Variants in CLSTN2 observed in about 807,000 individuals in gnomAD.
CLSTN2 encodes the protein calsyntenin 2, also known as calsyntenin-2.
A neutral mutation model predicts 101.2 loss-of-function variants in CLSTN2; 48 were observed. The ratio of observed to expected loss-of-function variants is 0.47; its 90% CI spans 0.38 to 0.60. The LOEUF (loss-of-function observed/expected upper bound fraction) is 0.60. CLSTN2 is among the 20% of genes least tolerant of loss of function. The pLI, the probability that CLSTN2 is intolerant of heterozygous loss-of-function variation, is 0.00. For synonymous variants in CLSTN2, 481 were observed against 463.6 expected (o/e 1.04, Z -0.48); for missense variants, 1,160 against 1,238.2 (o/e 0.94, Z 0.95).
rs1016458465 is a variant in CLSTN2 at position 140,179,640 on chromosome 3, A to C, written c.232+3567A>C. Among the ~76,000 whole-genome samples, 52 of 149,072 alleles carry C rather than the reference A, an allele frequency of 3.5e-4. No individual in the cohort carries two copies. The South Asian group carries it at 4.2e-3, about 12-fold the overall frequency. ...TATCTCAAAAAAAAAAAAAAAAAAAAAAAAAAAAAAAACCTTGCTATTATA... is the reference window on the plus strand; with the variant it reads ...TATCTCAAAAAAAAAAAAAAAAAAACAAAAAAAAAAAACCTTGCTATTATA... On this transcript the variant is annotated intron_variant, in intron 2 of 16. Coordinates refer to ENST00000458420, the MANE Select transcript of CLSTN2 (RefSeq NM_022131.3).
chr3:140,074,548 T>C (rs987339456), intron 1 of CLSTN2, among the ~76,000 whole-genome samples: 1 of 152,198 alleles, frequency 6.6e-6, no homozygotes, highest in Non-Finnish European at 1.5e-5. Flanking sequence ...TTATACTACG[T>C]TAACAGAGGT....
chr3:140,316,157 G>T (rs949501467), intron 2 of CLSTN2, among the ~76,000 whole-genome samples: 1 of 152,178 alleles, frequency 6.6e-6, no homozygotes, highest in Non-Finnish European at 1.5e-5. Flanking sequence ...TTACAGCCCA[G>T]CTGGGGATAG....
intron 1 of CLSTN2, among the ~76,000 whole-genome samples, chr3:140,056,016 C>T (rs2008089887): frequency 6.6e-6 from 1 of 152,130 alleles, no homozygotes; most frequent in Non-Finnish European, 1.5e-5. Flanking sequence ...GTACCAAGAA[C>T]TTTGTGGTCG....
At chr3:140,166,557 G>A (rs181624982) in intron 1 of CLSTN2, among the ~76,000 whole-genome samples, 29 of 152,264 alleles carry the variant, frequency 1.9e-4, no homozygotes, top group African/African-American at 6.5e-4. Flanking sequence ...GATTCAAAAG[G>A]TAAATCATGA....
chr3:140,457,323 C>G (rs1933428016), intron 6 of CLSTN2, among the ~76,000 whole-genome samples: 1 of 152,244 alleles, frequency 6.6e-6, no homozygotes, highest in African/African-American at 2.4e-5. Context: ...CTGTGTGTAC[C>G]TCTGTCACCA....
chr3:140,258,076 T>A (rs1218643494), intron 2 of CLSTN2, among the ~76,000 whole-genome samples: 1 of 152,212 alleles, frequency 6.6e-6, no homozygotes, highest in Non-Finnish European at 1.5e-5. Context: ...TTTTAATTTG[T>A]TATTCTTTAA....
intron 1 of CLSTN2, among the ~76,000 whole-genome samples, chr3:140,148,141 C>T (rs2107812538): frequency 6.6e-6 from 1 of 152,172 alleles, no homozygotes; most frequent in East Asian, 1.9e-4. Flanking sequence ...CTGCTACAGC[C>T]CCTTAGCTAC....
At chr3:140,116,307 A>G (rs1050235813) in intron 1 of CLSTN2, among the ~76,000 whole-genome samples, 5 of 152,202 alleles carry the variant, frequency 3.3e-5, no homozygotes, top group Non-Finnish European at 7.3e-5. Flanking sequence ...ACTTACTATA[A>G]ATCTGTAAAA....
At chr3:139,953,340 C>T (rs1311470248) in intron 1 of CLSTN2, among the ~76,000 whole-genome samples, 2 of 152,142 alleles carry the variant, frequency 1.3e-5, no homozygotes, top group African/African-American at 4.8e-5. Context: ...AATCTGTACA[C>T]CACACCCCTG....
intron 2 of CLSTN2, among the ~76,000 whole-genome samples, chr3:140,298,500 G>T (rs894071174): frequency 1.3e-4 from 20 of 152,196 alleles, no homozygotes; most frequent in Non-Finnish European, 2.9e-5. Flanking sequence ...AGCTGCAGTT[G>T]TCTATGATAA....
chr3:140,371,079 T>A (rs1422398357), intron 2 of CLSTN2, among the ~76,000 whole-genome samples: 1 of 152,214 alleles, frequency 6.6e-6, no homozygotes, highest in Non-Finnish European at 1.5e-5. Context: ...AAACACCTTC[T>A]GCAGAAATTT....
intron 6 of CLSTN2, chr3:140,449,994 A>G (rs1319194352): frequency 1.3e-5 from 2 of 152,378 alleles, no homozygotes; most frequent in African/African-American, 4.8e-5. Flanking sequence ...TGGCGCCACA[A>G]GAAAGGAGGC....
intron 2 of CLSTN2, among the ~76,000 whole-genome samples, chr3:140,332,278 T>C (rs2087390417): frequency 6.6e-6 from 1 of 152,278 alleles, no homozygotes; most frequent in Admixed American, 6.5e-5. Context: ...CAGAAGACTC[T>C]GAGCTGTTTA....
chr3:140,354,171 A>C (rs1207097398), intron 2 of CLSTN2, among the ~76,000 whole-genome samples: 4 of 152,188 alleles, frequency 2.6e-5, no homozygotes, highest in Non-Finnish European at 5.9e-5. Flanking sequence ...ACCCTTCTGA[A>C]AATGGCAAAT....
At chr3:140,491,501 C>T (rs928015641) in intron 8 of CLSTN2, among the ~76,000 whole-genome samples, 2 of 152,198 alleles carry the variant, frequency 1.3e-5, no homozygotes, top group South Asian at 4.1e-4. Context: ...CACATTAAAA[C>T]ATGACTTCAC....
intron 1 of CLSTN2, among the ~76,000 whole-genome samples, chr3:139,956,971 G>C (rs1935417605): frequency 6.6e-6 from 1 of 152,174 alleles, no homozygotes; most frequent in South Asian, 2.1e-4. Flanking sequence ...AGCATAGAAA[G>C]CTGCAATGAG....
chr3:140,016,793 G>GAAAAA (rs56040791), intron 1 of CLSTN2, among the ~76,000 whole-genome samples: 6 of 89,260 alleles, frequency 6.7e-5, no homozygotes, highest in Non-Finnish European at 1.0e-4. Context: ...GTGAGACTCT[G>GAAAAA]AAAAAAAAAA....
intron 9 of CLSTN2, among the ~76,000 whole-genome samples, chr3:140,533,660 G>A (rs573913181): frequency 6.2e-5 from 9 of 144,720 alleles, no homozygotes; most frequent in South Asian, 4.3e-4. Flanking sequence ...GCAGTGAGCC[G>A]AGATCGCGCC....
intron 10 of CLSTN2, among the ~76,000 whole-genome samples, chr3:140,550,127 A>G (rs529972560): frequency 6.6e-6 from 1 of 151,762 alleles, no homozygotes; most frequent in East Asian, 2.0e-4. Context: ...CTGCAGGAGG[A>G]AAAAGGTGGA....
Sources: gnomAD v4.1 joint callset for allele counts (sites outside exome capture counted in the v4.1 genomes callset) on GRCh38, gnomAD v4.1.1 for gene constraint, MANE v1.5 for transcripts, NCBI Gene and HGNC (gene_info 2026-07-23, HGNC 2026-07-21) for gene names.